SCHIP1: variants seen among roughly 807,000 people sequenced by gnomAD.
SCHIP1 encodes schwannomin-interacting protein 1.
In SCHIP1, 8 loss-of-function variants were observed where a neutral mutation model predicts 29.7. The observed-to-expected ratio is 0.27, with a 90% CI of 0.16 to 0.49. SCHIP1 has a LOEUF of 0.49. SCHIP1 is among the 20% of genes least tolerant of loss of function. SCHIP1 has a pLI of 0.99. For synonymous variants in SCHIP1, 76 were observed against 94.9 expected (o/e 0.80, Z 1.16); for missense variants, 193 against 294.6 (o/e 0.66, Z 2.52).
the SCHIP1 span, among the ~76,000 whole-genome samples, chr3:159,525,367 G>A: frequency 1.3e-5 from 2 of 152,188 alleles, no homozygotes; most frequent in African/African-American, 4.8e-5. Context: ...TAGCACATAT[G>A]TGTTTCATAA....
At chr3:159,772,802 G>T in the SCHIP1 span, among the ~76,000 whole-genome samples, 3 of 152,026 alleles carry the variant, frequency 2.0e-5, no homozygotes, top group African/African-American at 7.3e-5. Flanking sequence ...GTACAGTGGC[G>T]CAATCTCAGC....
intron 2 of SCHIP1, among the ~76,000 whole-genome samples, chr3:159,873,966 C>T (rs1715524534): frequency 1.3e-5 from 2 of 152,130 alleles, no homozygotes; most frequent in South Asian, 4.1e-4. Flanking sequence ...AGATGATGAG[C>T]TTGTATAGCT....
chr3:159,833,885 T>C, the SCHIP1 span, among the ~76,000 whole-genome samples: 1 of 152,216 alleles, frequency 6.6e-6, no homozygotes, highest in Non-Finnish European at 1.5e-5. Flanking sequence ...AACCTCACAA[T>C]TCCTTATCTT....
the SCHIP1 span, among the ~76,000 whole-genome samples, chr3:159,537,767 A>T: frequency 3.9e-5 from 6 of 152,194 alleles, no homozygotes; most frequent in African/African-American, 1.4e-4. Flanking sequence ...TTTGTTAAAA[A>T]GTATTTTTAT....
At chr3:159,533,173 G>C in the SCHIP1 span, among the ~76,000 whole-genome samples, 1 of 152,156 alleles carries the variant, frequency 6.6e-6, no homozygotes, top group Admixed American at 6.5e-5. Flanking sequence ...GGCAAAGGAA[G>C]CTGACCAAGG....
chr3:159,617,678 T>C, the SCHIP1 span, among the ~76,000 whole-genome samples: 2 of 152,218 alleles, frequency 1.3e-5, no homozygotes, highest in Non-Finnish European at 2.9e-5. Flanking sequence ...GATTATTCTT[T>C]AGGCTCACTC....
chr3:159,582,913 T>C, the SCHIP1 span, among the ~76,000 whole-genome samples: 26 of 152,242 alleles, frequency 1.7e-4, 1 homozygote, highest in East Asian at 4.6e-3. Flanking sequence ...TTGGTAATTG[T>C]TCTTTTCTGA....
chr3:159,532,722 A>G, the SCHIP1 span, among the ~76,000 whole-genome samples: 1 of 152,158 alleles, frequency 6.6e-6, no homozygotes, highest in Non-Finnish European at 1.5e-5. Context: ...TGCTTACTTC[A>G]GTCTACACTG....
At chr3:159,366,979 A>T in the SCHIP1 span, among the ~76,000 whole-genome samples, 4 of 152,224 alleles carry the variant, frequency 2.6e-5, no homozygotes, top group Non-Finnish European at 5.9e-5. Flanking sequence ...CAGCCCTCCT[A>T]AAAATGAAGA....
At chr3:159,600,194 G>A in the SCHIP1 span, among the ~76,000 whole-genome samples, 1 of 152,140 alleles carries the variant, frequency 6.6e-6, no homozygotes, top group Non-Finnish European at 1.5e-5. Flanking sequence ...CCATAGAGAA[G>A]ACCTTCTTGC....
the SCHIP1 span, among the ~76,000 whole-genome samples, chr3:159,698,466 A>C: frequency 1.3e-5 from 2 of 152,184 alleles, no homozygotes; most frequent in Non-Finnish European, 2.9e-5. Flanking sequence ...ATTTCAAGTG[A>C]GTCATTACTA....
chr3:159,722,127 GT>G, the SCHIP1 span: 1 of 286,562 alleles, frequency 3.5e-6, no homozygotes. Flanking sequence ...TGTCCCTTTT[GT>G]TTAGTTTCTT....
At chr3:159,802,720 C>A in the SCHIP1 span, among the ~76,000 whole-genome samples, 1 of 152,106 alleles carries the variant, frequency 6.6e-6, no homozygotes, top group African/African-American at 2.4e-5. Context: ...AAAACATAAA[C>A]AGTGGATATA....
the SCHIP1 span, among the ~76,000 whole-genome samples, chr3:159,632,654 A>G: frequency 7.9e-5 from 12 of 152,146 alleles, no homozygotes; most frequent in Non-Finnish European, 1.8e-4. Context: ...GGGCCCTGCC[A>G]TGGAATTGGA....
the SCHIP1 span, among the ~76,000 whole-genome samples, chr3:159,738,040 C>A: frequency 1.3e-5 from 2 of 152,126 alleles, no homozygotes; most frequent in East Asian, 3.9e-4. Flanking sequence ...TTGTCTCTTC[C>A]TTTCTCTGGA....
At chr3:159,388,772 A>G in the SCHIP1 span, among the ~76,000 whole-genome samples, 3 of 152,168 alleles carry the variant, frequency 2.0e-5, no homozygotes, top group Non-Finnish European at 4.4e-5. Flanking sequence ...ATAAAAAGAA[A>G]TTTGTAATAA....
chr3:159,412,222 C>T, the SCHIP1 span, among the ~76,000 whole-genome samples: 1 of 152,184 alleles, frequency 6.6e-6, no homozygotes, highest in Admixed American at 6.5e-5. Flanking sequence ...AAAGTCCATG[C>T]TCTTAATCAC....
the SCHIP1 span, among the ~76,000 whole-genome samples, chr3:159,396,059 C>T: frequency 6.7e-6 from 1 of 149,138 alleles, no homozygotes; most frequent in Non-Finnish European, 1.5e-5. Context: ...GAATTGATCC[C>T]TTTACCATTA....
the SCHIP1 span, among the ~76,000 whole-genome samples, chr3:159,347,126 T>C: frequency 2.6e-5 from 4 of 152,312 alleles, no homozygotes; most frequent in South Asian, 2.1e-4. Flanking sequence ...TCCACATCTA[T>C]AGACGATAGT....
Sources: gnomAD v4.1 joint callset for allele counts (sites outside exome capture counted in the v4.1 genomes callset) on GRCh38, gnomAD v4.1.1 for gene constraint, MANE v1.5 for transcripts, NCBI Gene and HGNC (gene_info 2026-07-23, HGNC 2026-07-21) for gene names.